RIMS2: variants seen among roughly 807,000 people sequenced by gnomAD.
RIMS2 encodes regulating synaptic membrane exocytosis protein 2.
A neutral mutation model predicts 174.4 loss-of-function variants in RIMS2; 59 were observed. That is an observed-to-expected ratio of 0.34 (90% CI 0.27 to 0.42). The LOEUF is 0.42. RIMS2 is among the 10% of genes least tolerant of loss of function. The pLI, the probability that RIMS2 is intolerant of heterozygous loss-of-function variation, is 1.00. For synonymous variants in RIMS2, 606 were observed against 572.5 expected (o/e 1.06, Z -0.84); for missense variants, 1,620 against 1,666.3 (o/e 0.97, Z 0.48).
chr8:103,838,765 G>A (rs2098920221), intron 3 of RIMS2, among the ~76,000 whole-genome samples: 1 of 151,926 alleles, frequency 6.6e-6, no homozygotes, highest in East Asian at 1.9e-4. Context: ...CTTCAGAATT[G>A]CCATTTATTA....
At chr8:103,916,050 C>CCAGTATCTTTACAACTGAGCA (rs2076578405) in intron 7 of RIMS2, among the ~76,000 whole-genome samples, 1 of 151,806 alleles carries the variant, frequency 6.6e-6, no homozygotes, top group Non-Finnish European at 1.5e-5. Flanking sequence ...ATACTGGAAA[C>CCAGTATCTTTACAACTGAGCA]CCTTTACAAA....
chr8:103,895,384 TGTCTAGTGGG>T (rs2099271832), intron 4 of RIMS2, among the ~76,000 whole-genome samples: 1 of 151,554 alleles, frequency 6.6e-6, no homozygotes, highest in Non-Finnish European at 1.5e-5. Context: ...GCAGATTCAG[TGTCTAGTGGG>T]GGCCCTCTTT....
At chr8:103,614,098 C>T (rs2095449785) in intron 1 of RIMS2, among the ~76,000 whole-genome samples, 1 of 152,226 alleles carries the variant, frequency 6.6e-6, no homozygotes, top group African/African-American at 2.4e-5. Flanking sequence ...CATCCCAGCA[C>T]TAGAAGTTGC....
At chr8:103,790,362 G>C (rs151122425) in intron 3 of RIMS2, among the ~76,000 whole-genome samples, 1 of 152,080 alleles carries the variant, frequency 6.6e-6, no homozygotes, top group East Asian at 1.9e-4. Flanking sequence ...CAATTATGTA[G>C]CCTTTTGTTA....
chr8:104,142,403 A>G (rs1391908177), intron 19 of RIMS2, among the ~76,000 whole-genome samples: 1 of 152,180 alleles, frequency 6.6e-6, no homozygotes, highest in East Asian at 1.9e-4. Context: ...TGCTGGGATT[A>G]CAGACGTGAG....
chr8:104,034,492 CAG>C (rs1453725818), intron 19 of RIMS2, among the ~76,000 whole-genome samples: 3 of 89,444 alleles, frequency 3.4e-5, no homozygotes, highest in African/African-American at 1.2e-4. Context: ...TTTTTTGAAA[CAG>C]AGTTTCACTC....
intron 19 of RIMS2, among the ~76,000 whole-genome samples, chr8:104,133,412 T>C (rs2098489627): frequency 6.6e-6 from 1 of 152,170 alleles, no homozygotes; most frequent in South Asian, 2.1e-4. Context: ...GGACACTTTT[T>C]GTTATAGGCA....
exon 4 of RIMS2, chr8:103,885,686 C>T (rs773313066): frequency 6.2e-6 from 10 of 1,612,828 alleles, no homozygotes; most frequent in Middle Eastern, 1.6e-4. Flanking sequence ...GTCCCGAGCA[C>T]GGCATGAGAG....
chr8:104,176,538 G>T (rs1045795653), intron 19 of RIMS2, among the ~76,000 whole-genome samples: 14 of 152,140 alleles, frequency 9.2e-5, no homozygotes, highest in African/African-American at 3.4e-4. Context: ...TGAAGTTATA[G>T]TAACCATAGT....
intron 2 of RIMS2, among the ~76,000 whole-genome samples, chr8:103,761,501 C>T (rs1332448215): frequency 6.6e-6 from 1 of 152,166 alleles, no homozygotes; most frequent in Non-Finnish European, 1.5e-5. Context: ...ACCTTTTTTT[C>T]CTGTGGCTTC....
chr8:103,899,929 T>G (rs1352305288), intron 4 of RIMS2, among the ~76,000 whole-genome samples: 2 of 151,810 alleles, frequency 1.3e-5, no homozygotes, highest in Non-Finnish European at 2.9e-5. Context: ...GTTTCAGCTT[T>G]CTACCTATGG....
chr8:103,905,967 G>C (rs925655135), intron 4 of RIMS2, among the ~76,000 whole-genome samples: 1 of 151,106 alleles, frequency 6.6e-6, no homozygotes, highest in African/African-American at 2.4e-5. Flanking sequence ...GTGCTTTCTA[G>C]TTCTTGTTCT....
intron 19 of RIMS2, among the ~76,000 whole-genome samples, chr8:104,140,094 G>T (rs143737735): frequency 6.6e-6 from 1 of 151,982 alleles, no homozygotes. Flanking sequence ...AACCATCTTC[G>T]CATCGCTAGG....
intron 1 of RIMS2, among the ~76,000 whole-genome samples, chr8:103,630,817 A>C (rs571544007): frequency 1.3e-5 from 2 of 152,332 alleles, no homozygotes; most frequent in South Asian, 4.1e-4. Context: ...AAAGAAAAAC[A>C]GTGAGAACAG....
chr8:103,890,800 AT>A (rs1286481906), intron 4 of RIMS2, among the ~76,000 whole-genome samples: 1 of 151,810 alleles, frequency 6.6e-6, no homozygotes, highest in African/African-American at 2.4e-5. Context: ...TTTAAAATAT[AT>A]TTTTTCATAG....
intron 19 of RIMS2, among the ~76,000 whole-genome samples, chr8:104,200,438 AG>A (rs1563715667): frequency 2.0e-5 from 3 of 152,188 alleles, no homozygotes; most frequent in Non-Finnish European, 4.4e-5. Context: ...AAGGATTAAA[AG>A]GGAGAAACTG....
chr8:103,601,135 A>G lies in RIMS2; in HGVS notation c.177-95951A>G, dbSNP rs192143812. ...CCACTTGTCAGATGCATAGTTTGCA[A>G]AATATTTTCTCCCATTCTGTGGGTT... On this transcript the variant is annotated intron_variant, in intron 1 of 23. Transcript: ENST00000504942. Among the ~76,000 whole-genome samples, 4 of 152,288 alleles carry G rather than the reference A, an allele frequency of 2.6e-5. No homozygotes were observed. In the East Asian group the frequency reaches 7.7e-4, roughly 29 times the overall value.
chr8:103,611,054 G>T, intron 1 of RIMS2, among the ~76,000 whole-genome samples: 1 of 152,092 alleles, frequency 6.6e-6, no homozygotes, highest in Non-Finnish European at 1.5e-5. Flanking sequence ...AGTCTTGGGA[G>T]GTTGTATGTT....
intron 1 of RIMS2, among the ~76,000 whole-genome samples, chr8:103,628,750 A>T (rs1425605218): frequency 3.1e-5 from 3 of 96,016 alleles, no homozygotes; most frequent in Non-Finnish European, 5.9e-5. Flanking sequence ...CAACAGACCC[A>T]TATTAAAAAA....
Sources: allele counts gnomAD v4.1 joint callset (sites outside exome capture counted in the v4.1 genomes callset), GRCh38; gene constraint gnomAD v4.1.1; transcripts MANE v1.5; gene names NCBI Gene and HGNC (gene_info 2026-07-23, HGNC 2026-07-21).